Variants in MYO3A observed in about 807,000 individuals in gnomAD.
MYO3A encodes myosin IIIA.
Under a neutral mutation model 192.7 loss-of-function variants are expected in MYO3A, and 180 were observed. The observed-to-expected ratio is 0.93, with a 90% confidence interval of 0.83 to 1.06. MYO3A has a LOEUF of 1.06. Among genes scored for constraint, MYO3A ranks in the 50% least tolerant of loss-of-function variants. The pLI is 0.00. For synonymous variants in MYO3A, 628 were observed against 645.3 expected, an observed-to-expected ratio of 0.97 and a Z score of 0.41; for missense variants, 1,896 against 1,905.0, an observed-to-expected ratio of 1.00 and a Z score of 0.09.
intron 4 of MYO3A, among the ~76,000 whole-genome samples, chr10:25,983,779 A>C (rs1296291127): frequency 1.3e-5 from 2 of 152,222 alleles, no homozygotes; most frequent in Non-Finnish European, 2.9e-5. Context: ...GAAAATCATC[A>C]CAAAAGATCA....
chr10:26,153,896 G>A lies in MYO3A; in HGVS notation c.2682G>A (p.Met894Ile), dbSNP rs752166591. The change falls in exon 24 of 35, where the codon ATG (methionine) becomes ATA (isoleucine). Residue 894 changes from methionine to isoleucine, a missense_variant. Transcript: ENST00000642920. ...CTAAAAATGTTATAAACTATCAAAT[G>A]AGGACTTCAGAAAAATTAATCAACC... ...SKTKNVINYQ[M>I]RTSEKLINLA... 179 of 1,595,572 alleles carry A rather than the reference G, an allele frequency of 1.1e-4. No homozygotes were observed. The highest frequency in any genetic ancestry group is 1.4e-4 in the Non-Finnish European group (161 of 1,163,612).
intron 29 of MYO3A, among the ~76,000 whole-genome samples, chr10:26,171,663 C>G (rs1842053569): frequency 1.3e-5 from 2 of 152,138 alleles, no homozygotes; most frequent in African/African-American, 2.4e-5. Flanking sequence ...ATTTGTTTCT[C>G]TTTGTTACTG....
chr10:26,145,570 T>A (rs370549096), intron 22 of MYO3A, 36 bp downstream of exon 22: 1 of 1,443,814 alleles, frequency 6.9e-7, no homozygotes, highest in African/African-American at 1.4e-5. Flanking sequence ...GAGTTTCTCC[T>A]TAGCCTTTTA....
chr10:26,147,212 A>G (rs945151847), intron 22 of MYO3A, among the ~76,000 whole-genome samples: 1 of 152,156 alleles, frequency 6.6e-6, no homozygotes, highest in South Asian at 2.1e-4. Context: ...ATTTCAACCC[A>G]AATAAAATCA....
intron 3 of MYO3A, among the ~76,000 whole-genome samples, chr10:25,953,858 C>G (rs911226245): frequency 6.6e-6 from 1 of 151,966 alleles, no homozygotes; most frequent in African/African-American, 2.4e-5. Flanking sequence ...TTTATTTACT[C>G]TTCATCATGT....
At chr10:26,140,966 C>T (rs554828312) in intron 20 of MYO3A, among the ~76,000 whole-genome samples, 3 of 152,208 alleles carry the variant, frequency 2.0e-5, no homozygotes, top group Admixed American at 1.3e-4. Flanking sequence ...CTCGCTCTGT[C>T]GCCCAGGCTG....
At position 25,952,186 on chromosome 10, in the gene MYO3A, A is replaced by T. The variant is rs777916517; in HGVS notation, c.76A>T (p.Thr26Ser). The T allele has an allele frequency of 1.9e-5, 30 of 1,612,338 alleles. No homozygotes were observed. The Middle Eastern group carries it at 2.1e-3, about 115-fold the overall frequency. ...TTCTGATACATGGGAAATCACTGAG[A>T]CAATTGGCAAAGGAACTTATGGGAA... ...DPSDTWEITE[T>S]IGKGTYGKVF... The change falls in exon 3 of 35, where the codon ACA (threonine) becomes TCA (serine). Residue 26 changes from threonine (T) to serine (S), a missense_variant. Physicochemically the swap from Thr to Ser is moderately conservative, Grantham distance 58. Coordinates refer to ENST00000642920, the MANE Select transcript of MYO3A (RefSeq NM_017433.5).
intron 6 of MYO3A, among the ~76,000 whole-genome samples, chr10:26,008,773 G>T (rs1050514846): frequency 6.6e-6 from 1 of 151,902 alleles, no homozygotes; most frequent in African/African-American, 2.4e-5. Context: ...CTTTCACACT[G>T]TTGGTGGGAC....
At chr10:26,024,471 A>G (rs1411533089) in intron 9 of MYO3A, among the ~76,000 whole-genome samples, 2 of 152,090 alleles carry the variant, frequency 1.3e-5, no homozygotes, top group African/African-American at 4.8e-5. Context: ...TTTACATTCA[A>G]TGTTAGTATT....
chr10:26,015,530 A>G (rs1029927063), intron 6 of MYO3A, among the ~76,000 whole-genome samples: 6 of 152,210 alleles, frequency 3.9e-5, no homozygotes, highest in Non-Finnish European at 7.3e-5. Context: ...ATTTGTCCTC[A>G]GAAGAGTGAC....
chr10:26,133,614 G>A (rs1257692282), intron 20 of MYO3A, among the ~76,000 whole-genome samples: 1 of 152,118 alleles, frequency 6.6e-6, no homozygotes, highest in Non-Finnish European at 1.5e-5. Flanking sequence ...TCTTTTCTGA[G>A]TTGGGGTCTT....
chr10:26,166,274 A>T (rs1841745854), intron 27 of MYO3A, 96 bp downstream of exon 27: 2 of 1,081,078 alleles, frequency 1.9e-6, no homozygotes, highest in East Asian at 2.4e-5. Flanking sequence ...TGGTTTTTTT[A>T]TGTTATAGAA....
At chr10:26,048,986 C>A (rs1843801063) in intron 10 of MYO3A, among the ~76,000 whole-genome samples, 1 of 152,084 alleles carries the variant, frequency 6.6e-6, no homozygotes, top group African/African-American at 2.4e-5. Context: ...GGAGTGTAGC[C>A]CTCAAGGGAG....
intron 32 of MYO3A, among the ~76,000 whole-genome samples, chr10:26,193,741 G>A (rs1843266309): frequency 6.6e-6 from 1 of 152,148 alleles, no homozygotes; most frequent in Admixed American, 6.5e-5. Flanking sequence ...CTAGAATAAG[G>A]CTTGTTCACA....
At chr10:26,190,886 A>C (rs1004630493) in intron 31 of MYO3A, among the ~76,000 whole-genome samples, 2 of 152,190 alleles carry the variant, frequency 1.3e-5, no homozygotes, top group African/African-American at 4.8e-5. Context: ...ATATTTGATG[A>C]AAAAATGAAC....
At chr10:25,968,361 A>G (rs76126624) in intron 4 of MYO3A, among the ~76,000 whole-genome samples, 1,660 of 152,346 alleles carry the variant, frequency 0.011, 35 homozygotes, top group African/African-American at 0.035. Flanking sequence ...AAATGAAAAA[A>G]TGAAGAATTT....
intron 31 of MYO3A, among the ~76,000 whole-genome samples, chr10:26,185,524 G>A (rs912710137): frequency 1.3e-5 from 2 of 151,666 alleles, no homozygotes; most frequent in African/African-American, 4.8e-5. Flanking sequence ...ATTTTTAGTA[G>A]AGATGGAGTT....
At chr10:26,210,397 G>A (rs1419390201) in intron 34 of MYO3A, among the ~76,000 whole-genome samples, 2 of 152,134 alleles carry the variant, frequency 1.3e-5, no homozygotes, top group Non-Finnish European at 2.9e-5. Context: ...AAGCCTTGGC[G>A]ACATTCTTGG....
intron 2 of MYO3A, among the ~76,000 whole-genome samples, chr10:25,939,714 A>G (rs1836350538): frequency 2.0e-5 from 3 of 151,920 alleles, no homozygotes; most frequent in Admixed American, 2.0e-4. Context: ...GTAGGATTTC[A>G]TATGTATTCT....
Sources: allele counts gnomAD v4.1 joint callset (sites outside exome capture counted in the v4.1 genomes callset), GRCh38; gene constraint gnomAD v4.1.1; transcripts MANE v1.5; gene names NCBI Gene and HGNC (gene_info 2026-07-23, HGNC 2026-07-21).